Variants in ADD2 observed in about 807,000 individuals in gnomAD.
The protein encoded by ADD2 is beta-adducin.
ADD2 carries 23 observed loss-of-function variants against 83.0 expected under a neutral mutation model. That is an observed-to-expected ratio of 0.28 (90% confidence interval 0.20 to 0.39). ADD2 has a LOEUF of 0.39. ADD2 is among the 10% of genes least tolerant of loss of function. The pLI is 1.00. For synonymous variants in ADD2, 375 were observed against 375.4 expected (o/e 1.00, Z 0.01); for missense variants, 758 against 944.9 (o/e 0.80, Z 2.59).
chr2:70,749,521 C>G (rs1056234198), intron 1 of ADD2, among the ~76,000 whole-genome samples: 1 of 152,008 alleles, frequency 6.6e-6, no homozygotes, highest in Non-Finnish European at 1.5e-5. Flanking sequence ...CCTTCTTCCT[C>G]CCTATCAGGG....
At chr2:70,687,947 AACAGGGTC>A in intron 9 of ADD2, 69 bp downstream of exon 9, 1 of 1,100,254 alleles carries the variant, frequency 9.1e-7, no homozygotes. Flanking sequence ...AATCACAGCC[AACAGGGTC>A]ACCACGTTTG....
chr2:70,708,041 T>G (rs1019722232), intron 2 of ADD2, among the ~76,000 whole-genome samples: 6 of 152,348 alleles, frequency 3.9e-5, no homozygotes, highest in South Asian at 2.1e-4. Flanking sequence ...CATATTCTTG[T>G]TGTCCCTGAG....
At chr2:70,711,653 G>T (rs1432929443) in intron 2 of ADD2, among the ~76,000 whole-genome samples, 1 of 152,208 alleles carries the variant, frequency 6.6e-6, no homozygotes, top group East Asian at 1.9e-4. Flanking sequence ...TGTGCTGGGA[G>T]AGTTATGGGC....
rs78735188 is a variant in ADD2 at position 70,752,596 on chromosome 2, A to C, written c.-154+15290T>G. Reference sequence around the variant, plus strand: ...GATAGACTGGATGAAAAAGTGAAGGAAAGAGAAACCAAGGACAACTCCAAA... The same window carrying C: ...GATAGACTGGATGAAAAAGTGAAGGCAAGAGAAACCAAGGACAACTCCAAA... On this transcript the variant is annotated intron_variant, in intron 1 of 15. Transcript: ENST00000264436. Among the ~76,000 whole-genome samples the C allele has an allele frequency of 8.8e-3, 1,337 of 152,316 alleles. 21 individuals are homozygous for C. The highest frequency in any genetic ancestry group is 0.03 in the African/African-American group (1,263 of 41,556).
intron 1 of ADD2, among the ~76,000 whole-genome samples, chr2:70,724,205 A>T (rs1208079749): frequency 6.6e-6 from 1 of 152,142 alleles, no homozygotes; most frequent in Non-Finnish European, 1.5e-5. Context: ...CTGTCCAGAC[A>T]CTGTGCCAGC....
Position 70,657,075 on chromosome 2 carries a change from C to G in ADD2, c.*6350G>C, listed in dbSNP as rs1028203660. The G allele has an allele frequency of 2.0e-5, 3 of 151,276 alleles. No homozygotes were observed. Among genetic ancestry groups the G allele is most frequent in the Non-Finnish European group, 4.4e-5 (3 of 67,830 alleles). The allele number at this position is 151,276 out of a possible 1,614,324, so 9.4% of individuals were successfully genotyped here. A position where few individuals can be genotyped will look rare whatever the true frequency, so the allele number is the denominator to read the frequency against. On this transcript the variant is annotated 3_prime_UTR_variant, in exon 16 of 16. Coordinates refer to ENST00000264436, the MANE Select transcript of ADD2 (RefSeq NM_001617.4). The stretch of plus-strand genomic sequence containing the variant: ...AATAAAAGCCCAAGAAACTAACCAC[C>G]GATCTGCACGTCAGTGGCTCAAAAA...
At chr2:70,674,553 A>G (rs1670039794) in intron 14 of ADD2, 125 bp downstream of exon 14, 4 of 1,092,074 alleles carry the variant, frequency 3.7e-6, no homozygotes, top group Non-Finnish European at 5.2e-6. Flanking sequence ...CATTTTTGTG[A>G]TTAATGGAAC....
At chr2:70,729,083 C>A (rs1673154177) in intron 1 of ADD2, among the ~76,000 whole-genome samples, 1 of 152,370 alleles carries the variant, frequency 6.6e-6, no homozygotes, top group East Asian at 1.9e-4. Flanking sequence ...TTCCTGCTGA[C>A]CCCTGCAGGC....
At chr2:70,708,871 C>T (rs1024104995) in intron 2 of ADD2, among the ~76,000 whole-genome samples, 2 of 152,242 alleles carry the variant, frequency 1.3e-5, no homozygotes, top group Non-Finnish European at 2.9e-5. Flanking sequence ...TATTCAAACA[C>T]TATTCCAATA....
chr2:70,698,781 C>T (rs1553373098), intron 4 of ADD2, among the ~76,000 whole-genome samples: 1 of 151,992 alleles, frequency 6.6e-6, no homozygotes, highest in East Asian at 1.9e-4. Context: ...GTTAGGATGG[C>T]TAAATGTCAC....
intron 4 of ADD2, 37 bp from the exon 5 acceptor site, chr2:70,696,433 CA>C (rs1671319091): frequency 6.2e-7 from 1 of 1,611,616 alleles, no homozygotes; most frequent in Non-Finnish European, 8.5e-7. Flanking sequence ...GGCCAGGGCC[CA>C]TCTGCCCTCC....
chr2:70,745,848 C>T (rs1351941923), intron 1 of ADD2, among the ~76,000 whole-genome samples: 2 of 152,174 alleles, frequency 1.3e-5, no homozygotes, highest in African/African-American at 4.8e-5. Context: ...AGTCCAACCC[C>T]TGTAGCCAAC....
At position 70,768,181 on chromosome 2, in the gene ADD2, C is replaced by G. The variant is rs1214126396; in HGVS notation, c.-449G>C. On this transcript the variant is annotated 5_prime_UTR_variant, in exon 1 of 16. Coordinates refer to ENST00000264436, the MANE Select transcript of ADD2 (RefSeq NM_001617.4). ...GTCAGAATTAAAGCCATTTCCCGCA[C>G]GAGGCTGGGAGGAAATGAGAGCTCT... 5.1e-6 allele frequency: 3 copies of G among 587,696 alleles called. No individual in the cohort carries two copies. In the Admixed American group the frequency reaches 9.6e-5, roughly 19 times the overall value. 36.4% of individuals were successfully genotyped at this position (587,696 alleles called of 1,614,324 possible). A position where few individuals can be genotyped will look rare whatever the true frequency, so the allele number is the denominator to read the frequency against.
intron 1 of ADD2, among the ~76,000 whole-genome samples, chr2:70,759,735 G>T (rs1029619542): frequency 6.6e-5 from 10 of 152,140 alleles, no homozygotes; most frequent in African/African-American, 2.4e-4. Flanking sequence ...TCCACAAGCT[G>T]CCCAGTCTTC....
Position 70,663,631 on chromosome 2 carries a change from C to T in ADD2, c.1975G>A (p.Glu659Lys). 4.3e-6 allele frequency: 7 copies of T among 1,614,162 alleles called. No homozygotes were observed. Among genetic ancestry groups the T allele is most frequent in the Non-Finnish European group, 5.9e-6 (7 of 1,180,038 alleles). Residue 659 changes from glutamate (E) to lysine (K), a missense_variant, in exon 16 of 16, where the codon GAG becomes AAG. By Grantham distance (56) the Glu-to-Lys change is moderately conservative (BLOSUM62 1). This residue lies in a region of ADD2 where 165 missense variants were observed against 176.2 expected (regional missense o/e 0.94). Coordinates refer to ENST00000264436, the MANE Select transcript of ADD2 (RefSeq NM_001617.4). ...VNGREEEQTA[E>K]EILSKGLSQM... is the part of the protein sequence containing the mutation. ...CTCAGGCCTTTGCTGAGGATTTCCT[C>T]TGCCGTCTGCTCCTCCTCCCTCCCG...
chr2:70,724,042 G>A (rs532060208), intron 1 of ADD2, among the ~76,000 whole-genome samples: 1 of 152,358 alleles, frequency 6.6e-6, no homozygotes, highest in African/African-American at 2.4e-5. Context: ...GCCCAGTGAT[G>A]AGGCCACAGT....
chr2:70,682,723 T>C (rs1670521617), intron 10 of ADD2, among the ~76,000 whole-genome samples: 1 of 152,206 alleles, frequency 6.6e-6, no homozygotes, highest in Non-Finnish European at 1.5e-5. Context: ...ATCAGCTAAA[T>C]TGTTAGCCCT....
chr2:70,668,833 CTCTCTTTGCA>C (rs1669784644), intron 15 of ADD2, among the ~76,000 whole-genome samples: 1 of 152,180 alleles, frequency 6.6e-6, no homozygotes, highest in African/African-American at 2.4e-5. Flanking sequence ...TTGAGAAGCC[CTCTCTTTGCA>C]GCAGGGAAGA....
Position 70,736,439 on chromosome 2 carries a change from G to C in ADD2, c.-153-23255C>G, listed in dbSNP as rs188252566. Among the ~76,000 whole-genome samples the C allele has an allele frequency of 1.8e-3, 279 of 152,342 alleles. 5 individuals are homozygous for C. Among genetic ancestry groups the C allele is most frequent in the Non-Finnish European group, 2.2e-4 (15 of 68,032 alleles). ...TGGTTCTGTTCCTATTGAGTAGACA[G>C]AAAACTTATGATAGCTCCTCACCTG... On this transcript the variant is annotated intron_variant, in intron 1 of 15. Coordinates refer to ENST00000264436, the MANE Select transcript of ADD2 (RefSeq NM_001617.4).
Sources: gnomAD v4.1 joint callset for allele counts (sites outside exome capture counted in the v4.1 genomes callset) on GRCh38, gnomAD v4.1.1 for gene constraint, gnomAD v4.1.1 regional missense constraint, MANE v1.5 for transcripts, NCBI Gene and HGNC (gene_info 2026-07-23, HGNC 2026-07-21) for gene names.